ADCY2: variants seen among roughly 807,000 people sequenced by gnomAD.
ADCY2 encodes adenylate cyclase 2.
A neutral mutation model predicts 125.2 loss-of-function variants in ADCY2; 31 were observed. The ratio of observed to expected loss-of-function variants is 0.25; its 90% CI spans 0.19 to 0.33. The LOEUF (loss-of-function observed/expected upper bound fraction) is 0.33. Ranked by LOEUF, ADCY2 falls within the 10% of genes least tolerant of loss-of-function variation. ADCY2 has a pLI of 1.00. For synonymous variants in ADCY2, 512 were observed against 548.4 expected (o/e 0.93, Z 0.93); for missense variants, 904 against 1,418.2 (o/e 0.64, Z 5.82).
chr5:7,432,406 C>T (rs1451051477), intron 2 of ADCY2, among the ~76,000 whole-genome samples: 3 of 152,190 alleles, frequency 2.0e-5, no homozygotes, highest in African/African-American at 7.2e-5. Flanking sequence ...ATGTAACACT[C>T]CTTCTGGGGC....
At chr5:7,479,741 C>T (rs1368102009) in intron 2 of ADCY2, among the ~76,000 whole-genome samples, 2 of 151,850 alleles carry the variant, frequency 1.3e-5, no homozygotes, top group East Asian at 3.9e-4. Context: ...CCCGTAAATC[C>T]CCCCAGTTAC....
intron 3 of ADCY2, among the ~76,000 whole-genome samples, chr5:7,620,603 G>A (rs1182550225): frequency 6.6e-6 from 1 of 152,170 alleles, no homozygotes; most frequent in Non-Finnish European, 1.5e-5. Flanking sequence ...AAGGAGATGG[G>A]ATTGGGATTC....
chr5:7,579,872 A>G (rs1302967707), intron 3 of ADCY2, among the ~76,000 whole-genome samples: 2 of 152,228 alleles, frequency 1.3e-5, no homozygotes, highest in Admixed American at 6.5e-5. Context: ...CTAAGTGGCC[A>G]CCAGCATTGG....
At chr5:7,814,645 G>A (rs895361465) in intron 22 of ADCY2, among the ~76,000 whole-genome samples, 1 of 151,796 alleles carries the variant, frequency 6.6e-6, no homozygotes, top group African/African-American at 2.4e-5. Flanking sequence ...CACCTTAGTA[G>A]CAGCTTTTCT....
At chr5:7,419,748 C>A (rs1042409992) in intron 2 of ADCY2, among the ~76,000 whole-genome samples, 4 of 152,184 alleles carry the variant, frequency 2.6e-5, no homozygotes, top group Admixed American at 2.0e-4. Context: ...CAAGGCCAGA[C>A]CTCATATAAG....
intron 4 of ADCY2, among the ~76,000 whole-genome samples, chr5:7,672,538 A>G (rs1443738521): frequency 1.3e-5 from 2 of 152,028 alleles, no homozygotes; most frequent in African/African-American, 4.8e-5. Flanking sequence ...TCTATCACCC[A>G]GGCTAGGCTA....
chr5:7,400,610 G>A (rs536193717), intron 1 of ADCY2, among the ~76,000 whole-genome samples: 1 of 152,194 alleles, frequency 6.6e-6, no homozygotes, highest in Non-Finnish European at 1.5e-5. Flanking sequence ...GGATGGGAGG[G>A]CAGACAAATG....
Position 7,557,135 on chromosome 5 carries a change from T to TTATATATATATA in ADCY2, c.570+36239_570+36250dup, listed in dbSNP as rs60652060. The stretch of plus-strand genomic sequence containing the variant: ...CTATAAATCATGAAGCAAAAACAGT[T>TTATATATATATA]TATATATATATATAAACTTTATAGA... On this transcript the variant is annotated intron_variant, in intron 3 of 24. Transcript: ENST00000338316. 8.0e-4 allele frequency among the ~76,000 whole-genome samples: 62 copies of TTATATATATATA among 77,464 alleles called. 1 individual carries two copies. The highest frequency in any genetic ancestry group is 2.0e-3 in the African/African-American group (58 of 29,278). 50.8% of individuals were successfully genotyped at this position (77,464 alleles called of 152,430 possible).
intron 3 of ADCY2, among the ~76,000 whole-genome samples, chr5:7,553,722 C>T (rs1392869898): frequency 3.3e-5 from 5 of 152,038 alleles, no homozygotes; most frequent in African/African-American, 1.2e-4. Flanking sequence ...CAGGGCTTGG[C>T]GAGATGGCCT....
In ADCY2 at chr5:7,789,811, GGGGGCTGGGGGCT is replaced by G; in HGVS notation, c.2628+16_2628+28del. ...AGCCTGAAGAATGAGGTCAGACCAG[GGGGGCTGGGGGCT>G]GGGGGAGGGGGCTGGATGCCATGAT... On this transcript the variant is annotated intron_variant, in intron 20 of 24. Transcript: ENST00000338316. 1 of 1,487,416 alleles carries G rather than the reference GGGGGCTGGGGGCT, an allele frequency of 6.7e-7. No homozygotes were observed. The highest frequency in any genetic ancestry group is 9.0e-7 in the Non-Finnish European group (1 of 1,116,486). 92.1% of individuals were successfully genotyped at this position (1,487,416 alleles called of 1,614,324 possible). A position where few individuals can be genotyped will look rare whatever the true frequency, so the allele number is the denominator to read the frequency against.
intron 1 of ADCY2, among the ~76,000 whole-genome samples, chr5:7,403,536 C>G (rs924923100): frequency 6.6e-6 from 1 of 152,216 alleles, no homozygotes; most frequent in East Asian, 1.9e-4. Flanking sequence ...CTCTATGTGG[C>G]TCATTTATAG....
chr5:7,818,184 A>G (rs981383661), intron 23 of ADCY2, among the ~76,000 whole-genome samples: 4 of 152,142 alleles, frequency 2.6e-5, no homozygotes, highest in Non-Finnish European at 4.4e-5. Context: ...ACAAATTTCA[A>G]CTTTAAAAAG....
chr5:7,652,624 T>C (rs1203408459), intron 4 of ADCY2, among the ~76,000 whole-genome samples: 3 of 152,262 alleles, frequency 2.0e-5, no homozygotes, highest in African/African-American at 7.2e-5. Flanking sequence ...GAATTCCTTT[T>C]GTCAGGTTAA....
intron 4 of ADCY2, among the ~76,000 whole-genome samples, chr5:7,638,414 T>A (rs1262795238): frequency 6.6e-6 from 1 of 152,178 alleles, no homozygotes; most frequent in Non-Finnish European, 1.5e-5. Context: ...TGGACAAGGT[T>A]TACTTAGTAG....
chr5:7,483,773 T>A (rs2126477421), intron 2 of ADCY2, among the ~76,000 whole-genome samples: 1 of 152,334 alleles, frequency 6.6e-6, no homozygotes, highest in Non-Finnish European at 1.5e-5. Context: ...CTCCTATGAA[T>A]GGCCTCCTAT....
At chr5:7,425,066 T>C (rs1740338932) in intron 2 of ADCY2, among the ~76,000 whole-genome samples, 1 of 152,130 alleles carries the variant, frequency 6.6e-6, no homozygotes, top group Non-Finnish European at 1.5e-5. Context: ...GTGACCTCCC[T>C]TGAAGCCTGC....
intron 2 of ADCY2, among the ~76,000 whole-genome samples, chr5:7,463,289 T>G (rs1741979959): frequency 6.6e-6 from 1 of 152,188 alleles, no homozygotes. Context: ...CCCTCAATTC[T>G]GTGAAGATTT....
intron 3 of ADCY2, among the ~76,000 whole-genome samples, chr5:7,542,606 C>A (rs1735028724): frequency 1.3e-5 from 2 of 152,300 alleles, no homozygotes; most frequent in Admixed American, 1.3e-4. Flanking sequence ...AGTGAAAGGC[C>A]TGTGGTAGCA....
rs1223238764 is a variant in ADCY2, at chr5:7,420,861, G to C, written c.408+6091G>C. On this transcript the variant is annotated intron_variant, in intron 2 of 24. Transcript: ENST00000338316. ...TAGAGCTGTTAGGATGGCTGTGAGG[G>C]TGATGCTGCGATTGTGTTTCATTTT... Among the ~76,000 whole-genome samples the C allele has an allele frequency of 2.6e-5, 4 of 152,138 alleles. No homozygotes were observed. In the East Asian group the frequency reaches 7.7e-4, roughly 29 times the overall value.
Sources: gnomAD v4.1 joint callset for allele counts (sites outside exome capture counted in the v4.1 genomes callset) on GRCh38, gnomAD v4.1.1 for gene constraint, MANE v1.5 for transcripts, NCBI Gene and HGNC (gene_info 2026-07-23, HGNC 2026-07-21) for gene names.